The following PRDM5 variants were observed in gnomAD, a reference collection of about 807,000 sequenced individuals.
PRDM5 encodes the protein PR/SET domain 5, also known as PR domain zinc finger protein 5.
Under a neutral mutation model 81.2 loss-of-function variants are expected in PRDM5, and 56 were observed. That is an observed-to-expected ratio of 0.69 (90% CI 0.56 to 0.86). The LOEUF is 0.86. Ranked by LOEUF, PRDM5 falls within the 40% of genes least tolerant of loss-of-function variation. PRDM5 has a pLI of 0.00. For missense variants in PRDM5, 697 were observed against 770.1 expected, an observed-to-expected ratio of 0.91 and a Z score of 1.12; for synonymous variants, 267 against 256.4, an observed-to-expected ratio of 1.04 and a Z score of -0.39.
chr4:120,873,911 C>T (rs550076012), intron 2 of PRDM5, among the ~76,000 whole-genome samples: 1 of 152,118 alleles, frequency 6.6e-6, no homozygotes, highest in Admixed American at 6.5e-5. Flanking sequence ...TTTATTAGCT[C>T]CTCATGCATT....
chr4:120,812,195 C>A (rs571258882), intron 7 of PRDM5, among the ~76,000 whole-genome samples: 2 of 152,248 alleles, frequency 1.3e-5, no homozygotes, highest in South Asian at 4.1e-4. Context: ...CATTGATGGA[C>A]ACTTAGGTTG....
At chr4:120,881,777 C>T (rs1762867896) in intron 2 of PRDM5, among the ~76,000 whole-genome samples, 1 of 152,178 alleles carries the variant, frequency 6.6e-6, no homozygotes, top group African/African-American at 2.4e-5. Context: ...AACCTACTTG[C>T]AATTTTTCAA....
chr4:120,799,624 A>G lies in PRDM5; in HGVS notation c.1030+37T>C, dbSNP rs1034012656. On this transcript the variant is annotated intron_variant, in intron 9 of 15. Transcript: ENST00000264808. ...AAAGTGACAATGTAATTTTTTTGTA[A>G]TGATATCACTATAAACAAAAAAAGT... 5.0e-6 allele frequency: 8 copies of G among 1,603,350 alleles called. No individual in the cohort carries two copies. In the African/African-American group the frequency reaches 6.7e-5, roughly 13 times the overall value.
intron 8 of PRDM5, among the ~76,000 whole-genome samples, chr4:120,801,955 C>T (rs181495375): frequency 0.011 from 1,711 of 151,976 alleles, 15 homozygotes; most frequent in Non-Finnish European, 0.016. Context: ...TAAATGAAAA[C>T]TTTTGTTATC....
At chr4:120,746,447 C>T (rs1237298222) in intron 14 of PRDM5, among the ~76,000 whole-genome samples, 8 of 144,476 alleles carry the variant, frequency 5.5e-5, no homozygotes, top group Non-Finnish European at 4.6e-5. Context: ...TCTAATTAAA[C>T]TAAAGAGCTT....
chr4:120,757,348 T>C (rs747849758), intron 13 of PRDM5, among the ~76,000 whole-genome samples: 30 of 152,212 alleles, frequency 2.0e-4, no homozygotes, highest in African/African-American at 5.1e-4. Flanking sequence ...TCCAATGCCA[T>C]TGAACCTTTG....
rs971173685 is a variant in PRDM5 at position 120,692,022 on chromosome 4, A to G, written c.*3089T>C. 1.3e-5 allele frequency: 2 copies of G among 152,036 alleles called. No individual in the cohort carries two copies. Among genetic ancestry groups the G allele is most frequent in the African/African-American group, 2.4e-5 (1 of 41,428 alleles). 9.4% of individuals were successfully genotyped at this position (152,036 alleles called of 1,614,324 possible). A position where few individuals can be genotyped will look rare whatever the true frequency, so the allele number is the denominator to read the frequency against. On this transcript the variant is annotated 3_prime_UTR_variant, in exon 16 of 16. Transcript: ENST00000264808. ...TTTATATACACGCAAACAAATGTCA[A>G]TATCAATGGTAAAATTTTAGGATTT...
At chr4:120,816,640 T>C in intron 6 of PRDM5, 66 bp from the exon 7 acceptor site, 2 of 1,605,096 alleles carry the variant, frequency 1.2e-6, no homozygotes, top group Non-Finnish European at 1.7e-6. Context: ...AACTCAAACA[T>C]CAGCAAGATT....
chr4:120,894,757 G>A (rs1201969229), intron 2 of PRDM5, among the ~76,000 whole-genome samples: 2 of 152,116 alleles, frequency 1.3e-5, no homozygotes, highest in Non-Finnish European at 2.9e-5. Flanking sequence ...TTAAAACAGA[G>A]AATGTCAATT....
At position 120,860,398 on chromosome 4, in the gene PRDM5, T is replaced by A. The variant is rs186702147; in HGVS notation, c.178-6858A>T. 1.3e-3 allele frequency among the ~76,000 whole-genome samples: 196 copies of A among 149,432 alleles called. No individual in the cohort carries two copies. The East Asian group carries it at 0.028, about 21-fold the overall frequency. ...CTTTTTAAATTGGGCTAATTTTTTTTAAAAAAATAAATACCTGACAAAAAA... is the reference window on the plus strand; with the variant it reads ...CTTTTTAAATTGGGCTAATTTTTTTAAAAAAAATAAATACCTGACAAAAAA... On this transcript the variant is annotated intron_variant, in intron 2 of 15. Transcript: ENST00000264808.
At position 120,814,190 on chromosome 4, in the gene PRDM5, G is replaced by A. The variant is rs192105404; in HGVS notation, c.865+2263C>T. On this transcript the variant is annotated intron_variant, in intron 7 of 15. Transcript: ENST00000264808. ...GCAAAAGGGAAAGATGGGAAGTGAC[G>A]GAGGAGCTTAGCCCCTTCACTCTGT... 3.8e-4 allele frequency among the ~76,000 whole-genome samples: 58 copies of A among 152,230 alleles called. 1 individual carries two copies. The highest frequency in any genetic ancestry group is 3.0e-3 in the Admixed American group (46 of 15,284).
chr4:120,904,379 G>A (rs1765566776), intron 2 of PRDM5, among the ~76,000 whole-genome samples: 1 of 151,816 alleles, frequency 6.6e-6, no homozygotes, highest in African/African-American at 2.4e-5. Context: ...TGTATCAAAA[G>A]GTCTCAGGTG....
At chr4:120,917,503 C>T (rs139353329) in intron 1 of PRDM5, among the ~76,000 whole-genome samples, 1 of 152,000 alleles carries the variant, frequency 6.6e-6, no homozygotes, top group East Asian at 1.9e-4. Flanking sequence ...TCTTCCCTCA[C>T]TGGACTGCAA....
intron 2 of PRDM5, chr4:120,896,946 G>A (rs1351916972): frequency 6.7e-6 from 1 of 150,240 alleles, no homozygotes; most frequent in African/African-American, 2.4e-5. Flanking sequence ...GCCTCCCAAA[G>A]TTCTGGGATT....
intron 7 of PRDM5, among the ~76,000 whole-genome samples, chr4:120,815,662 C>T (rs1258185906): frequency 6.6e-6 from 1 of 152,194 alleles, no homozygotes; most frequent in Non-Finnish European, 1.5e-5. Context: ...CATAGCCACC[C>T]ATTTCCCAGA....
At chr4:120,763,919 GAGA>G (rs906826209) in intron 13 of PRDM5, among the ~76,000 whole-genome samples, 1 of 147,390 alleles carries the variant, frequency 6.8e-6, no homozygotes, top group Non-Finnish European at 1.5e-5. Flanking sequence ...CATAAAACTA[GAGA>G]AGATTAAAAA....
chr4:120,815,780 A>G (rs1042025814), intron 7 of PRDM5, among the ~76,000 whole-genome samples: 1 of 152,230 alleles, frequency 6.6e-6, no homozygotes, highest in Non-Finnish European at 1.5e-5. Flanking sequence ...AGGTAAAAAG[A>G]CAAGAAGTAA....
intron 2 of PRDM5, among the ~76,000 whole-genome samples, chr4:120,855,851 C>A (rs1468765254): frequency 6.6e-6 from 1 of 152,222 alleles, no homozygotes; most frequent in African/African-American, 2.4e-5. Flanking sequence ...TTTGCCCAGG[C>A]ATATCTCAGT....
chr4:120,737,739 T>G (rs1741326844), intron 14 of PRDM5, among the ~76,000 whole-genome samples: 1 of 152,230 alleles, frequency 6.6e-6, no homozygotes, highest in South Asian at 2.1e-4. Context: ...CCAGCTCCAC[T>G]GAAGGTAGAG....
Sources: gnomAD v4.1 joint callset for allele counts (sites outside exome capture counted in the v4.1 genomes callset) on GRCh38, gnomAD v4.1.1 for gene constraint, MANE v1.5 for transcripts, NCBI Gene and HGNC (gene_info 2026-07-23, HGNC 2026-07-21) for gene names.